Variants in TENM1 observed in about 807,000 individuals in gnomAD.
TENM1 encodes the protein teneurin-1.
A neutral mutation model predicts 174.8 loss-of-function variants in TENM1; 35 were observed. The ratio of observed to expected loss-of-function variants is 0.20; its 90% CI spans 0.15 to 0.27. TENM1 has a LOEUF of 0.27. Ranked by LOEUF, TENM1 falls within the 10% of genes least tolerant of loss-of-function variation. The probability of loss-of-function intolerance (pLI) is 1.00; values close to 1 mark genes in which losing one functional copy is unlikely to be tolerated. For synonymous variants in TENM1, 781 were observed against 798.7 expected (o/e 0.98, Z 0.37); for missense variants, 1,633 against 2,130.1 (o/e 0.77, Z 4.59).
intron 25 of TENM1, among the ~76,000 whole-genome samples, chrX:124,418,288 C>G (rs2060615160): frequency 9.0e-6 from 1 of 111,422 alleles, no homozygotes; most frequent in Non-Finnish European, 1.9e-5. Context: ...TTGAATGTGT[C>G]AGGCTTACTC....
chrX:124,649,098 A>G (rs2051232584), intron 8 of TENM1, among the ~76,000 whole-genome samples: 2 of 112,113 alleles, frequency 1.8e-5, no homozygotes, highest in Non-Finnish European at 3.8e-5. Flanking sequence ...CATGAAAAAA[A>G]AATGTGTTTT....
At chrX:124,868,493 G>T (rs779652675) in intron 3 of TENM1, among the ~76,000 whole-genome samples, 5 of 111,365 alleles carry the variant, frequency 4.5e-5, no homozygotes, top group African/African-American at 1.6e-4. Flanking sequence ...ATGAACTAAA[G>T]ACTTAAATCT....
intron 14 of TENM1, among the ~76,000 whole-genome samples, chrX:124,561,151 A>G (rs2048810170): frequency 8.9e-6 from 1 of 112,563 alleles, no homozygotes; most frequent in Non-Finnish European, 1.9e-5. Context: ...ACAAAGAAAA[A>G]TATTTTAGCA....
At chrX:125,161,914 A>G in the TENM1 span, among the ~76,000 whole-genome samples, 1 of 112,027 alleles carries the variant, frequency 8.9e-6, no homozygotes, top group Non-Finnish European at 1.9e-5. Flanking sequence ...GTTAATCTTG[A>G]TTAGTATAGG....
At chrX:124,390,444 T>A (rs2060270672) in intron 28 of TENM1, among the ~76,000 whole-genome samples, 1 of 112,441 alleles carries the variant, frequency 8.9e-6, no homozygotes, top group African/African-American at 3.2e-5. Flanking sequence ...CTGCACCCAC[T>A]AACTCGTCAT....
chrX:125,165,067 G>T, the TENM1 span, among the ~76,000 whole-genome samples: 1 of 111,946 alleles, frequency 8.9e-6, no homozygotes, highest in African/African-American at 3.2e-5. Flanking sequence ...TGTCATTACA[G>T]ATTAGTTTAC....
the TENM1 span, among the ~76,000 whole-genome samples, chrX:125,090,876 G>A: frequency 4.5e-5 from 5 of 111,682 alleles, no homozygotes; most frequent in South Asian, 1.9e-3. Flanking sequence ...GGTATGACCA[G>A]AAAACAGTGA....
At chrX:124,405,215 G>T in exon 27 of TENM1, 2 of 1,211,686 alleles carry the variant, frequency 1.7e-6, no homozygotes, top group Non-Finnish European at 2.2e-6. Flanking sequence ...GCTGGCAAAA[G>T]TGACACGCAG....
Position 124,949,072 on chromosome X carries a change from A to T in TENM1, c.217+14465T>A, listed in dbSNP as rs150042064. ...TGGTGTGGAGATAGGATTCTCCCTT[A>T]TTCCTATGTATAAAGTTCCAATTCA... On this transcript the variant is annotated intron_variant, in intron 1 of 31. Transcript: ENST00000422452. Among the ~76,000 whole-genome samples, 643 of 111,429 alleles carry T rather than the reference A, an allele frequency of 5.8e-3. 8 individuals carry two copies. Among genetic ancestry groups the T allele is most frequent in the African/African-American group, 0.02 (615 of 30,617 alleles).
the TENM1 span, among the ~76,000 whole-genome samples, chrX:124,972,296 G>C: frequency 6.3e-5 from 7 of 111,147 alleles, no homozygotes; most frequent in African/African-American, 2.3e-4. Context: ...TTTATGCATA[G>C]TATTTGTTGA....
At chrX:124,959,332 T>C (rs760765198) in intron 1 of TENM1, among the ~76,000 whole-genome samples, 15 of 111,881 alleles carry the variant, frequency 1.3e-4, no homozygotes, top group Middle Eastern at 4.6e-3. Flanking sequence ...GATGAGATAC[T>C]GTTTCCAGAC....
the TENM1 span, among the ~76,000 whole-genome samples, chrX:124,971,914 T>C: frequency 8.9e-6 from 1 of 111,954 alleles, no homozygotes. Flanking sequence ...TTTTGCACAT[T>C]TACCTATTGA....
intron 27 of TENM1, among the ~76,000 whole-genome samples, chrX:124,400,762 G>A (rs182027276): frequency 1.9e-3 from 209 of 111,933 alleles, no homozygotes; most frequent in African/African-American, 6.4e-3. Context: ...TCCTAAACCA[G>A]TATGCTTTTG....
At chrX:124,919,463 T>C (rs1428702969) in intron 1 of TENM1, among the ~76,000 whole-genome samples, 1 of 112,038 alleles carries the variant, frequency 8.9e-6, no homozygotes, top group Non-Finnish European at 1.9e-5. Flanking sequence ...CACAATATGA[T>C]TATATTTAAG....
rs184876538 is a variant in TENM1, at chrX:124,761,257, G to A, written c.536-24060C>T. ...ACACATGCACACGTATGTTCACGGC[G>A]GCACTATTCACAATAGCAAAGACTT... On this transcript the variant is annotated intron_variant, in intron 3 of 31. Coordinates refer to ENST00000422452, the Ensembl canonical transcript of TENM1. 8.5e-3 allele frequency among the ~76,000 whole-genome samples: 933 copies of A among 110,258 alleles called. 14 individuals are homozygous for A. Among genetic ancestry groups the A allele is most frequent in the African/African-American group, 0.029 (868 of 30,309 alleles).
intron 28 of TENM1, among the ~76,000 whole-genome samples, chrX:124,391,315 G>A (rs1198947133): frequency 8.9e-6 from 1 of 111,754 alleles, no homozygotes; most frequent in Non-Finnish European, 1.9e-5. Flanking sequence ...TGAAAGAATA[G>A]ATTTGGGAAA....
intron 13 of TENM1, among the ~76,000 whole-genome samples, chrX:124,562,882 C>CA (rs1248988301): frequency 9.2e-4 from 102 of 110,604 alleles, no homozygotes; most frequent in African/African-American, 1.3e-3. Context: ...AAGAGCAAAA[C>CA]AAAAAAAAGA....
the TENM1 span, among the ~76,000 whole-genome samples, chrX:125,101,938 C>A: frequency 1.8e-5 from 2 of 111,501 alleles, no homozygotes; most frequent in African/African-American, 6.5e-5. Flanking sequence ...AGGTTGTAAG[C>A]AAATAGATCA....
At chrX:125,028,694 AT>A in the TENM1 span, among the ~76,000 whole-genome samples, 148 of 112,194 alleles carry the variant, frequency 1.3e-3, no homozygotes, top group Non-Finnish European at 2.0e-3. Context: ...GTTAAAAAAA[AT>A]ATTCATATAT....
Sources: allele counts gnomAD v4.1 joint callset (sites outside exome capture counted in the v4.1 genomes callset), GRCh38; gene constraint gnomAD v4.1.1; transcripts MANE v1.5; gene names NCBI Gene and HGNC (gene_info 2026-07-23, HGNC 2026-07-21).